Variants in ARNT2 observed in about 807,000 individuals in gnomAD.
ARNT2 encodes aryl hydrocarbon receptor nuclear translocator 2.
A neutral mutation model predicts 91.7 loss-of-function variants in ARNT2; 36 were observed. The observed-to-expected ratio is 0.39, with a 90% CI of 0.30 to 0.52. The LOEUF (loss-of-function observed/expected upper bound fraction) is 0.52. Among genes scored for constraint, ARNT2 ranks in the 20% least tolerant of loss-of-function variants. The pLI is 0.72. For missense variants in ARNT2, 775 were observed against 939.3 expected (o/e 0.83, Z 2.29); for synonymous variants, 365 against 347.1 (o/e 1.05, Z -0.57).
At chr15:80,457,825 A>G (rs1473170530) in intron 2 of ARNT2, 104 bp from the exon 3 acceptor site, 3 of 1,227,032 alleles carry the variant, frequency 2.4e-6, no homozygotes, top group Non-Finnish European at 3.5e-6. Context: ...GGATCAATGG[A>G]TAGCAGTCCT....
At chr15:80,570,793 T>C (rs868201255) in intron 12 of ARNT2, among the ~76,000 whole-genome samples, 1 of 152,198 alleles carries the variant, frequency 6.6e-6, no homozygotes, top group South Asian at 2.1e-4. Context: ...GTCAGTTCCA[T>C]GAGGGCAGGG....
At chr15:80,551,493 G>T (rs1244930759) in intron 9 of ARNT2, among the ~76,000 whole-genome samples, 3 of 152,178 alleles carry the variant, frequency 2.0e-5, no homozygotes, top group African/African-American at 7.2e-5. Context: ...GGTTGCATCA[G>T]TTCATCCCCC....
At chr15:80,510,282 G>A (rs1595991538) in intron 6 of ARNT2, among the ~76,000 whole-genome samples, 2 of 152,072 alleles carry the variant, frequency 1.3e-5, no homozygotes, top group Admixed American at 1.3e-4. Flanking sequence ...AGCTGGTTTG[G>A]GGTTGAGGGG....
intron 1 of ARNT2, among the ~76,000 whole-genome samples, chr15:80,427,149 T>G (rs968048275): frequency 2.6e-5 from 4 of 152,122 alleles, no homozygotes; most frequent in African/African-American, 9.7e-5. Context: ...GACCCGTGTT[T>G]GGGGCAATAA....
In ARNT2 at chr15:80,438,880, G is replaced by A. The variant is rs911382066; in HGVS notation, c.32-12000G>A. Among the ~76,000 whole-genome samples the A allele has an allele frequency of 5.9e-5, 9 of 152,168 alleles. No individual in the cohort carries two copies. In the East Asian group the frequency reaches 7.7e-4, roughly 13 times the overall value. On this transcript the variant is annotated intron_variant, in intron 1 of 18. Coordinates refer to ENST00000303329, the MANE Select transcript of ARNT2 (RefSeq NM_014862.4). The stretch of plus-strand genomic sequence containing the variant: ...AATTTTTTGTATTTTTAGTAGATAC[G>A]GGGTTTCACTGTGTTGGCCAGACTG...
chr15:80,587,058 A>T (rs956631243), intron 17 of ARNT2, among the ~76,000 whole-genome samples: 4 of 152,066 alleles, frequency 2.6e-5, no homozygotes, highest in African/African-American at 9.7e-5. Context: ...ATTATGGGGA[A>T]TTATAGACCT....
intron 8 of ARNT2, among the ~76,000 whole-genome samples, chr15:80,540,212 A>C (rs1170471847): frequency 6.6e-6 from 1 of 152,192 alleles, no homozygotes; most frequent in African/African-American, 2.4e-5. Context: ...CTCCACGTTT[A>C]ACCTCATGAG....
At chr15:80,428,271 C>T (rs1301033911) in intron 1 of ARNT2, among the ~76,000 whole-genome samples, 2 of 152,176 alleles carry the variant, frequency 1.3e-5, no homozygotes, top group Non-Finnish European at 2.9e-5. Flanking sequence ...ACAGTGTAAT[C>T]GATATTCATA....
In ARNT2 at chr15:80,532,266, C is replaced by T. The variant is rs530376274; in HGVS notation, c.877+17861C>T. On this transcript the variant is annotated intron_variant, in intron 8 of 18. Coordinates refer to ENST00000303329, the MANE Select transcript of ARNT2 (RefSeq NM_014862.4). The stretch of plus-strand genomic sequence containing the variant: ...TGAGTCAGGACACCTCTTTGGTCAC[C>T]CTAGAGCTTGAGCCTTTGATGACCC... Among the ~76,000 whole-genome samples, 19 of 152,208 alleles carry T rather than the reference C, an allele frequency of 1.2e-4. 1 individual carries two copies. In the South Asian group the frequency reaches 3.9e-3, roughly 32 times the overall value.
rs1274317001 is a variant in ARNT2 at position 80,551,225 on chromosome 15, G to T, written c.904G>T (p.Asp302Tyr). The change falls in exon 9 of 19, where the codon GAT (aspartate) becomes TAT (tyrosine). Residue 302 changes from aspartate to tyrosine, a missense_variant. Transcript: ENST00000303329. ...AGMTIPEEDADVGQGSKYCLV... is the reference protein window; with the variant it reads ...AGMTIPEEDAYVGQGSKYCLV... ...AATGACCATACCTGAAGAAGACGCT[G>T]ATGTGGGACAAGGCAGTAAATATTG... 6.2e-7 allele frequency: 1 copy of T among 1,614,030 alleles called. No individual in the cohort carries two copies. Among genetic ancestry groups the T allele is most frequent in the Non-Finnish European group, 8.5e-7 (1 of 1,179,890 alleles).
At chr15:80,515,383 A>G (rs1471376812) in intron 8 of ARNT2, among the ~76,000 whole-genome samples, 2 of 152,248 alleles carry the variant, frequency 1.3e-5, no homozygotes, top group Non-Finnish European at 2.9e-5. Flanking sequence ...ATATTCTTGT[A>G]ATGGAATATT....
intron 8 of ARNT2, among the ~76,000 whole-genome samples, chr15:80,539,368 A>G (rs1408397216): frequency 6.6e-6 from 1 of 152,182 alleles, no homozygotes; most frequent in African/African-American, 2.4e-5. Context: ...AAGGAAAAAA[A>G]CTATTGACAA....
intron 1 of ARNT2, among the ~76,000 whole-genome samples, chr15:80,422,266 C>CCTTAACTAGA: frequency 6.6e-6 from 1 of 152,236 alleles, no homozygotes; most frequent in Middle Eastern, 3.4e-3. Context: ...GATATTCAAA[C>CCTTAACTAGA]CTTAACTAGA....
chr15:80,468,328 A>G (rs569458844), intron 3 of ARNT2, among the ~76,000 whole-genome samples: 5 of 151,844 alleles, frequency 3.3e-5, no homozygotes, highest in African/African-American at 1.2e-4. Context: ...GAAGCCAGCC[A>G]CAGAGGCAGA....
rs1249905663 is a variant in ARNT2 at position 80,597,393 on chromosome 15, C to T, written c.*3695C>T. 4.4e-6 allele frequency: 2 copies of T among 458,712 alleles called. No homozygotes were observed. Among genetic ancestry groups the T allele is most frequent in the African/African-American group, 2.0e-5 (1 of 50,252 alleles). 28.4% of individuals were successfully genotyped at this position (458,712 alleles called of 1,614,324 possible). On this transcript the variant is annotated 3_prime_UTR_variant, in exon 19 of 19. Transcript: ENST00000303329. ...TATTACCAGAAAATATGGGCTTGGC[C>T]TAAGTCGCTGTCTCCTAACCTGCCG... is the stretch of plus-strand genomic sequence containing the variant.
At chr15:80,405,629 G>A (rs1443611758) in intron 1 of ARNT2, among the ~76,000 whole-genome samples, 1 of 152,170 alleles carries the variant, frequency 6.6e-6, no homozygotes, top group Non-Finnish European at 1.5e-5. Flanking sequence ...CTTGAAAACG[G>A]GAATGTTTGA....
At chr15:80,430,946 G>A (rs1280183530) in intron 1 of ARNT2, among the ~76,000 whole-genome samples, 4 of 152,016 alleles carry the variant, frequency 2.6e-5, no homozygotes, top group Non-Finnish European at 5.9e-5. Flanking sequence ...GTGCATGTAC[G>A]TGGTGATGAA....
chr15:80,559,327 A>ACCCAGC (rs1021355777), intron 11 of ARNT2, among the ~76,000 whole-genome samples: 1 of 151,204 alleles, frequency 6.6e-6, no homozygotes, highest in Non-Finnish European at 1.5e-5. Flanking sequence ...CCAGCCCCAG[A>ACCCAGC]CCCAGCCCCA....
intron 6 of ARNT2, among the ~76,000 whole-genome samples, chr15:80,511,085 A>C (rs1341002148): frequency 1.3e-5 from 2 of 152,180 alleles, no homozygotes; most frequent in Admixed American, 6.5e-5. Context: ...GCATATGTTT[A>C]TTGCAGCACT....
Sources: gnomAD v4.1 joint callset for allele counts (sites outside exome capture counted in the v4.1 genomes callset) on GRCh38, gnomAD v4.1.1 for gene constraint, MANE v1.5 for transcripts, NCBI Gene and HGNC (gene_info 2026-07-23, HGNC 2026-07-21) for gene names.